The following DDR1 variants were observed in gnomAD, a reference collection of about 807,000 sequenced individuals.
DDR1 encodes discoidin domain receptor tyrosine kinase 1, also known as epithelial discoidin domain-containing receptor 1.
Under a neutral mutation model 97.4 loss-of-function variants are expected in DDR1, and 64 were observed. The observed-to-expected ratio is 0.66, with a 90% confidence interval of 0.54 to 0.81. DDR1 has a LOEUF of 0.81. Ranked by LOEUF, DDR1 falls within the 30% of genes least tolerant of loss-of-function variation. DDR1 has a pLI of 0.00. For missense variants in DDR1, 990 were observed against 1,259.6 expected (o/e 0.79, Z 3.24); for synonymous variants, 458 against 503.7 (o/e 0.91, Z 1.21).
intron 10 of DDR1, among the ~76,000 whole-genome samples, chr6:30,893,848 A>G (rs957913044): frequency 2.5e-4 from 38 of 152,228 alleles, no homozygotes; most frequent in African/African-American, 8.9e-4. Flanking sequence ...GCCTTGGGGC[A>G]GAAGCAGGGT....
chr6:30,889,359 C>T lies in DDR1; in HGVS notation c.346C>T (p.Arg116Trp), dbSNP rs142628047. The change falls in exon 4 of 18, where the codon CGG becomes TGG. Residue 116 changes from arginine (R) to tryptophan (W), a missense_variant. Transcript: ENST00000376568. This position sits in a 1 kb window ranked among gnomAD's most constrained non-coding sequence, Gnocchi z 4.9. ...CGGGGGCCTGGGCAAGGAGTTCTCC[C>T]GGAGCTACCGGCTGCGTTACTCCCG... ...HAGGLGKEFS[R>W]SYRLRYSRDG... The T allele has an allele frequency of 5.0e-5, 81 of 1,608,824 alleles. No homozygotes were observed. Among genetic ancestry groups the T allele is most frequent in the Non-Finnish European group, 6.4e-5 (75 of 1,177,896 alleles).
Position 30,897,400 on chromosome 6 carries a change from G to A in DDR1, c.2019G>A (p.Val673=), listed in dbSNP as rs1376225623. Residue 673 remains valine (V), a synonymous_variant, in exon 15 of 18, where the codon GTG becomes GTA. Transcript: ENST00000376568. This position sits in a 1 kb window ranked among gnomAD's most constrained non-coding sequence, Gnocchi z 5.2. ...KNARNDFLKE[V]KIMSRLKDPN... ...CCAGGAATGATTTCCTGAAAGAGGT[G>A]AAGATCATGTCGAGGCTCAAGGACC... 2 of 1,614,116 alleles carry A rather than the reference G, an allele frequency of 1.2e-6. No individual in the cohort carries two copies. The highest frequency in any genetic ancestry group is 1.7e-5 in the Admixed American group (1 of 60,024).
At chr6:30,885,664 C>A in intron 1 of DDR1, 1 of 1,334,768 alleles carries the variant, frequency 7.5e-7, no homozygotes. Context: ...TGGGGTTGGA[C>A]TTGAAGGAAT....
In DDR1 at chr6:30,890,079, C is replaced by T. The variant is rs1323539305; in HGVS notation, c.417+649C>T. Among the ~76,000 whole-genome samples the T allele has an allele frequency of 1.3e-5, 2 of 152,186 alleles. No homozygotes were observed. ...CCAAACGCGTCTCCCTGCTTCTGCC[C>T]TTTTCTGCCTGGAGTCAAATCTCCA... On this transcript the variant is annotated intron_variant, in intron 4 of 17. Transcript: ENST00000376568. The surrounding 1 kb of genome is among the most constrained non-coding windows in gnomAD (Gnocchi z 5.0).
In DDR1 at chr6:30,900,061, G is replaced by A. The variant is rs760003298; in HGVS notation, c.*765G>A. 2.2e-5 allele frequency: 13 copies of A among 596,698 alleles called. No individual in the cohort carries two copies. The Admixed American group carries it at 2.4e-4, about 11-fold the overall frequency. The allele number at this position is 596,698 out of a possible 1,614,324, so 37.0% of individuals were successfully genotyped here. ...TGGGGTTTGTACATTTTTGGGGGGA[G>A]AGACACAGATTTTTACACTAATATA... is the stretch of plus-strand genomic sequence containing the variant. On this transcript the variant is annotated 3_prime_UTR_variant, in exon 18 of 18. Transcript: ENST00000376568.
At chr6:30,893,498 G>A (rs972419012) in intron 10 of DDR1, 75 bp downstream of exon 10, 1 of 1,522,532 alleles carries the variant, frequency 6.6e-7, no homozygotes, top group Non-Finnish European at 8.8e-7. Flanking sequence ...AGTGGGACCT[G>A]CAGGGCACAG....
At position 30,900,156 on chromosome 6, in the gene DDR1, A is replaced by C; in HGVS notation, c.*860A>C. 1 of 555,836 alleles carries C rather than the reference A, an allele frequency of 1.8e-6. No homozygotes were observed. Among genetic ancestry groups the C allele is most frequent in the Non-Finnish European group, 3.5e-6 (1 of 284,640 alleles). The allele number at this position is 555,836 out of a possible 1,614,324, so 34.4% of individuals were successfully genotyped here. A position where few individuals can be genotyped will look rare whatever the true frequency, so the allele number is the denominator to read the frequency against. On this transcript the variant is annotated 3_prime_UTR_variant, in exon 18 of 18. Coordinates refer to ENST00000376568, the MANE Select transcript of DDR1 (RefSeq NM_001297654.2). ...AATAATAAAGGTTGAGTTTTCCACA[A>C]CTGTGTGAGTGGGTTCCTTGGGAAT...
At chr6:30,895,745 TC>T (rs1790527916) in intron 12 of DDR1, among the ~76,000 whole-genome samples, 1 of 152,154 alleles carries the variant, frequency 6.6e-6, no homozygotes, top group African/African-American at 2.4e-5. Flanking sequence ...CCAGCTCTTC[TC>T]CCTCCTCCTC....
rs765469806 is a variant in DDR1, at chr6:30,896,629, G to A, written c.1633G>A (p.Gly545Arg). 5.0e-6 allele frequency: 8 copies of A among 1,613,424 alleles called. No individual in the cohort carries two copies. Among genetic ancestry groups the A allele is most frequent in the Non-Finnish European group, 5.9e-6 (7 of 1,179,750 alleles). ...TCCCCTCACCCCTGCAGCCTACAGT[G>A]GGGACTATATGGAGCCTGAGAAGCC... ...AKPTNTQAYSGDYMEPEKPGA... is the reference protein window; with the variant it reads ...AKPTNTQAYSRDYMEPEKPGA... The change falls in exon 13 of 18, where the codon GGG becomes AGG. Residue 545 changes from glycine to arginine, a missense_variant. Physicochemically the swap from Gly to Arg is moderately radical, Grantham distance 125 (BLOSUM62 -2). Transcript: ENST00000376568.
chr6:30,882,889 T>G (rs1267127108), upstream of DDR1: 1 of 152,260 alleles, frequency 6.6e-6, no homozygotes, highest in African/African-American at 2.4e-5. The surrounding 1 kb of genome is among the most constrained non-coding windows in gnomAD (Gnocchi z 4.8). Flanking sequence ...CCAGGTGAGG[T>G]GACTTGGGAA....
At position 30,896,646 on chromosome 6, in the gene DDR1, T is replaced by C. The variant is rs1246945522; in HGVS notation, c.1650T>C (p.Pro550=). ...TQAYSGDYME[P]EKPGAPLLPP... is the part of the protein sequence containing the mutation. ...CCTACAGTGGGGACTATATGGAGCC[T>C]GAGAAGCCAGGCGCCCCGCTTCTGC... Residue 550 remains proline (P), a synonymous_variant, in exon 13 of 18, where the codon CCT becomes CCC. Coordinates refer to ENST00000376568, the MANE Select transcript of DDR1 (RefSeq NM_001297654.2). The C allele has an allele frequency of 6.2e-7, 1 of 1,613,524 alleles. No homozygotes were observed. The highest frequency in any genetic ancestry group is 1.1e-5 in the South Asian group (1 of 91,018).
intron 9 of DDR1, 46 bp downstream of exon 9, chr6:30,893,209 C>G (rs750234098): frequency 1.4e-4 from 218 of 1,595,250 alleles, no homozygotes; most frequent in Non-Finnish European, 1.8e-4. Context: ...ACCCTTCTCC[C>G]TGGGCCTCCC....
At position 30,894,485 on chromosome 6, in the gene DDR1, G is replaced by C; in HGVS notation, c.1348-21G>C. On this transcript the variant is annotated intron_variant, in intron 10 of 17. Coordinates refer to ENST00000376568, the MANE Select transcript of DDR1 (RefSeq NM_001297654.2). The surrounding 1 kb of genome is among the most constrained non-coding windows in gnomAD (Gnocchi z 5.7). Reference sequence around the variant, plus strand: ...GTGTGTGCTGAGCAACACGGGTGATGCCTCCCATCCCTATGACAAGGCTGA... The same window carrying C: ...GTGTGTGCTGAGCAACACGGGTGATCCCTCCCATCCCTATGACAAGGCTGA... 6.3e-7 allele frequency: 1 copy of C among 1,589,046 alleles called. No individual in the cohort carries two copies. The highest frequency in any genetic ancestry group is 1.7e-4 in the Middle Eastern group (1 of 5,946).
chr6:30,898,875 C>A lies in DDR1; in HGVS notation c.2452-13C>A. 1 of 1,599,452 alleles carries A rather than the reference C, an allele frequency of 6.3e-7. No homozygotes were observed. Among genetic ancestry groups the A allele is most frequent in the Non-Finnish European group, 8.5e-7 (1 of 1,170,082 alleles). On this transcript the variant is annotated splice_polypyrimidine_tract_variant and intron_variant, in intron 16 of 17. Transcript: ENST00000376568. The stretch of plus-strand genomic sequence containing the variant: ...TGTCCCTGTCTGTTTTTGCTGCCTT[C>A]TCTGCATCCCAGGGGAAGTTCACGA...
Position 30,898,083 on chromosome 6 carries a change from C to T in DDR1, c.2227C>T (p.Leu743=). 1 of 1,613,614 alleles carries T rather than the reference C, an allele frequency of 6.2e-7. No homozygotes were observed. The highest frequency in any genetic ancestry group is 8.5e-7 in the Non-Finnish European group (1 of 1,179,472). ...AQGPTISYPM[L]LHVAAQIASG... is the part of the protein sequence containing the mutation. The stretch of plus-strand genomic sequence containing the variant: ...CGGTTCCCTTCTCAGCTACCCAATG[C>T]TGCTGCATGTGGCAGCCCAGATCGC... Residue 743 remains leucine (L), a synonymous_variant, in exon 16 of 18, where the codon CTG becomes TTG. Coordinates refer to ENST00000376568, the MANE Select transcript of DDR1 (RefSeq NM_001297654.2).
Position 30,898,986 on chromosome 6 carries a change from C to T in DDR1, c.2550C>T (p.Asp850=), listed in dbSNP as rs149355839. ...CRAQPFGQLT[D]EQVIENAGEF... Reference sequence around the variant, plus strand: ...CCCAGCCCTTTGGGCAGCTCACCGACGAGCAGGTCATCGAGAACGCGGGGG... The same window carrying T: ...CCCAGCCCTTTGGGCAGCTCACCGATGAGCAGGTCATCGAGAACGCGGGGG... Residue 850 remains aspartate (D), a synonymous_variant, in exon 17 of 18, where the codon GAC becomes GAT. Transcript: ENST00000376568. The T allele has an allele frequency of 1.1e-5, 18 of 1,614,176 alleles. No individual in the cohort carries two copies. The highest frequency in any genetic ancestry group is 1.5e-5 in the Non-Finnish European group (18 of 1,180,036).
In DDR1 at chr6:30,899,174, C is replaced by G; in HGVS notation, c.2620C>G (p.Pro874Ala). The G allele has an allele frequency of 6.2e-7, 1 of 1,614,226 alleles. No individual in the cohort carries two copies. Among genetic ancestry groups the G allele is most frequent in the South Asian group, 1.1e-5 (1 of 91,090 alleles). ...QGRQVYLSRP[P>A]ACPQGLYELM... ...AATGCAGGTGTACCTGTCCCGGCCG[C>G]CTGCCTGCCCGCAGGGCCTATATGA... Residue 874 changes from proline (P) to alanine (A), a missense_variant, in exon 18 of 18, where the codon CCT (proline) becomes GCT (alanine). Pro to Ala is a conservative substitution (Grantham distance 27, BLOSUM62 -1). Transcript: ENST00000376568.
upstream of DDR1, chr6:30,883,594 C>T (rs1478028525): frequency 6.5e-6 from 1 of 152,812 alleles, no homozygotes; most frequent in African/African-American, 2.4e-5. The surrounding 1 kb of genome is among the most constrained non-coding windows in gnomAD (Gnocchi z 4.9). Context: ...GTCCTGGCCT[C>T]ATTTTTGGCC....
rs924062731 is a variant in DDR1, at chr6:30,897,701, A to G, written c.2216+104A>G. On this transcript the variant is annotated intron_variant, in intron 15 of 17. Coordinates refer to ENST00000376568, the MANE Select transcript of DDR1 (RefSeq NM_001297654.2). The surrounding 1 kb of genome is among the most constrained non-coding windows in gnomAD (Gnocchi z 5.2). ...GAAAAGAGGGGAGCGTGGGGGTGGGAAGGGAGAGAGGTTCCAGGAGGGCCT... is the reference window on the plus strand; with the variant it reads ...GAAAAGAGGGGAGCGTGGGGGTGGGGAGGGAGAGAGGTTCCAGGAGGGCCT... 5 of 961,988 alleles carry G rather than the reference A, an allele frequency of 5.2e-6. No individual in the cohort carries two copies. Among genetic ancestry groups the G allele is most frequent in the African/African-American group, 4.9e-5 (3 of 61,136 alleles). 59.6% of individuals were successfully genotyped at this position (961,988 alleles called of 1,614,324 possible). A position where few individuals can be genotyped will look rare whatever the true frequency, so the allele number is the denominator to read the frequency against.
Sources: allele counts gnomAD v4.1 joint callset (sites outside exome capture counted in the v4.1 genomes callset), GRCh38; gene constraint gnomAD v4.1.1; non-coding constraint Gnocchi (gnomAD v3.1); transcripts MANE v1.5; gene names NCBI Gene and HGNC (gene_info 2026-07-23, HGNC 2026-07-21).